The following ZCCHC14 variants were observed in gnomAD, a reference collection of about 807,000 sequenced individuals.
ZCCHC14 encodes zinc finger CCHC-type containing 14.
ZCCHC14 carries 16 observed loss-of-function variants against 85.0 expected under a neutral mutation model. The ratio of observed to expected loss-of-function variants is 0.19; its 90% CI spans 0.13 to 0.29. The LOEUF (loss-of-function observed/expected upper bound fraction) is 0.29, where lower values mean the gene tolerates loss of function less well. Ranked by LOEUF, ZCCHC14 falls within the 10% of genes least tolerant of loss-of-function variation. The pLI is 1.00. For synonymous variants in ZCCHC14, 775 were observed against 630.7 expected, an observed-to-expected ratio of 1.23 and a Z score of -3.43; for missense variants, 1,303 against 1,443.5, an observed-to-expected ratio of 0.90 and a Z score of 1.58.
At position 87,407,112 on chromosome 16, in the gene ZCCHC14, T is replaced by C. The variant is rs1042854307; in HGVS notation, c.*3168A>G. The C allele has an allele frequency of 1.3e-5, 2 of 152,298 alleles. No homozygotes were observed. Among genetic ancestry groups the C allele is most frequent in the Admixed American group, 1.3e-4 (2 of 15,282 alleles). The allele number at this position is 152,298 out of a possible 1,614,324, so 9.4% of individuals were successfully genotyped here. A position where few individuals can be genotyped will look rare whatever the true frequency, so the allele number is the denominator to read the frequency against. On this transcript the variant is annotated 3_prime_UTR_variant, in exon 13 of 13. Coordinates refer to ENST00000671377, the MANE Select transcript of ZCCHC14 (RefSeq NM_015144.3). ...TGCCTAAAGCCCCGCTCAGCCTCTG[T>C]TCCAGCTGGGTGATGTTTAGGCAAA...
Position 87,449,521 on chromosome 16 carries a change from C to G in ZCCHC14, c.694+10487G>C, listed in dbSNP as rs985964836. On this transcript the variant is annotated intron_variant, in intron 2 of 12. Transcript: ENST00000671377. ...ACCCCGACCAATTCAGCAACGCCAC[C>G]AAGAGAGCAAACCCCAATCCCTTTC... Among the ~76,000 whole-genome samples the G allele has an allele frequency of 2.6e-5, 4 of 152,200 alleles. No individual in the cohort carries two copies. In the South Asian group the frequency reaches 8.3e-4, roughly 32 times the overall value.
chr16:87,490,780 C>T (rs1912718881), intron 1 of ZCCHC14, among the ~76,000 whole-genome samples: 1 of 152,238 alleles, frequency 6.6e-6, no homozygotes, highest in Non-Finnish European at 1.5e-5. Context: ...TCACACACAA[C>T]GTTCACAAGC....
chr16:87,424,846 C>T (rs1405299077), intron 3 of ZCCHC14, among the ~76,000 whole-genome samples: 1 of 152,252 alleles, frequency 6.6e-6, no homozygotes, highest in South Asian at 2.1e-4. Flanking sequence ...AAGGGACAAG[C>T]ACCAAATGCA....
intron 1 of ZCCHC14, among the ~76,000 whole-genome samples, chr16:87,487,562 C>T (rs8059323): frequency 6.6e-6 from 1 of 152,248 alleles, no homozygotes; most frequent in East Asian, 1.9e-4. Context: ...CACACGGCAC[C>T]TAGCAATCCA....
chr16:87,411,929 C>A lies in ZCCHC14; in HGVS notation c.2792G>T (p.Ser931Ile), dbSNP rs1404493203. ...GCIVCTSCGC[S>I]GSCGSSGLTV... ...CAGGCCACTCGAGCCGCAGCTGCCG[C>A]TGCAGCCACAGGACGTGCACACAAT... The change falls in exon 12 of 13, where the codon AGC (serine) becomes ATC (isoleucine). Residue 931 changes from serine to isoleucine, a missense_variant. Physicochemically the swap from Ser to Ile is moderately radical, Grantham distance 142. This residue lies in a region of ZCCHC14 where 797 missense variants were observed against 730.8 expected (regional missense o/e 1.09). Transcript: ENST00000671377. The A allele has an allele frequency of 2.5e-6, 4 of 1,605,734 alleles. No homozygotes were observed. In the African/African-American group the frequency reaches 5.3e-5, roughly 21 times the overall value.
At chr16:87,478,927 C>G (rs1243868816) in intron 1 of ZCCHC14, among the ~76,000 whole-genome samples, 1 of 152,078 alleles carries the variant, frequency 6.6e-6, no homozygotes, top group African/African-American at 2.4e-5. Context: ...TTTACTATAA[C>G]TAGGTTGTTA....
intron 2 of ZCCHC14, among the ~76,000 whole-genome samples, chr16:87,453,545 G>A (rs1017104407): frequency 4.6e-5 from 7 of 152,186 alleles, no homozygotes; most frequent in Admixed American, 6.5e-5. Context: ...GGCTCTGCAC[G>A]TGCCCGCCAC....
In ZCCHC14 at chr16:87,414,398, ACAC is replaced by A. The variant is rs1908668119; in HGVS notation, c.1603+13_1603+15del. The A allele has an allele frequency of 6.2e-7, 1 of 1,612,208 alleles. No individual in the cohort carries two copies. The highest frequency in any genetic ancestry group is 1.3e-5 in the African/African-American group (1 of 74,712). On this transcript the variant is annotated intron_variant, in intron 10 of 12. Coordinates refer to ENST00000671377, the MANE Select transcript of ZCCHC14 (RefSeq NM_015144.3). ...TGTGTATGAGTAACCCATCTGCCCG[ACAC>A]ACCCTTGTTCACCTGCTGCATGGCT... is the stretch of plus-strand genomic sequence containing the variant.
Position 87,461,055 on chromosome 16 carries a change from C to T in ZCCHC14, c.571-924G>A, listed in dbSNP as rs146652683. ...GGGAAAGCGGGGCACACCCTCAGTC[C>T]CCATCGACAGAGACCTGCTAAGCAC... On this transcript the variant is annotated intron_variant, in intron 1 of 12. Transcript: ENST00000671377. Among the ~76,000 whole-genome samples the T allele has an allele frequency of 1.1e-4, 16 of 152,342 alleles. No homozygotes were observed. The East Asian group carries it at 1.9e-3, about 18-fold the overall frequency.
At chr16:87,466,654 C>T (rs1911533965) in intron 1 of ZCCHC14, among the ~76,000 whole-genome samples, 1 of 152,216 alleles carries the variant, frequency 6.6e-6, no homozygotes, top group African/African-American at 2.4e-5. Context: ...TTCACAGGAG[C>T]GCTGAGCATG....
intron 1 of ZCCHC14, among the ~76,000 whole-genome samples, chr16:87,480,852 G>A (rs1912235487): frequency 6.6e-6 from 1 of 152,308 alleles, no homozygotes; most frequent in East Asian, 1.9e-4. Context: ...CAGGTAACCG[G>A]TGTCCAGTCT....
chr16:87,447,180 A>T (rs1356172921), intron 2 of ZCCHC14, among the ~76,000 whole-genome samples: 1 of 152,084 alleles, frequency 6.6e-6, no homozygotes, highest in African/African-American at 2.4e-5. Flanking sequence ...ATTCTTAAAG[A>T]TGGCGGAAGA....
At chr16:87,476,275 A>G (rs139641174) in intron 1 of ZCCHC14, among the ~76,000 whole-genome samples, 141 of 152,354 alleles carry the variant, frequency 9.3e-4, no homozygotes, top group Non-Finnish European at 1.5e-3. Context: ...TAAGGAATGA[A>G]AAGCACCAAA....
chr16:87,450,962 G>A (rs564202657), intron 2 of ZCCHC14, among the ~76,000 whole-genome samples: 3 of 152,008 alleles, frequency 2.0e-5, no homozygotes, highest in African/African-American at 2.4e-5. Context: ...GTAATGGCAC[G>A]ATCTTGCCTC....
rs377055387 is a variant in ZCCHC14, at chr16:87,407,204, T to C, written c.*3076A>G. Reference sequence around the variant, plus strand: ...GTGGTATAAACTAACTGTGCTGACTTTGGGCAATAAAGGACCTAGAATTCT... The same window carrying C: ...GTGGTATAAACTAACTGTGCTGACTCTGGGCAATAAAGGACCTAGAATTCT... On this transcript the variant is annotated 3_prime_UTR_variant, in exon 13 of 13. Coordinates refer to ENST00000671377, the MANE Select transcript of ZCCHC14 (RefSeq NM_015144.3). The C allele has an allele frequency of 2.6e-5, 4 of 152,188 alleles. No homozygotes were observed. Among genetic ancestry groups the C allele is most frequent in the Admixed American group, 1.3e-4 (2 of 15,282 alleles). 9.4% of individuals were successfully genotyped at this position (152,188 alleles called of 1,614,324 possible).
chr16:87,411,509 C>T lies in ZCCHC14; in HGVS notation c.3205+7G>A, dbSNP rs748785014. The T allele has an allele frequency of 8.7e-6, 14 of 1,613,104 alleles. No individual in the cohort carries two copies. Among genetic ancestry groups the T allele is most frequent in the East Asian group, 2.2e-5 (1 of 44,900 alleles). ...GCCTGGTGGGCGCGGCCATGGCGCG[C>T]GCTTACCTGGCCGGTTGAAGTCCAT... On this transcript the variant is annotated splice_region_variant and intron_variant, in intron 12 of 12. Coordinates refer to ENST00000671377, the MANE Select transcript of ZCCHC14 (RefSeq NM_015144.3).
At chr16:87,414,689 TCC>T in intron 9 of ZCCHC14, 148 bp from the exon 10 acceptor site, 1 of 1,163,278 alleles carries the variant, frequency 8.6e-7, no homozygotes, top group Non-Finnish European at 1.2e-6. Context: ...ACAGGGAAAT[TCC>T]CCCCAGAGCA....
At position 87,408,714 on chromosome 16, in the gene ZCCHC14, A is replaced by T. The variant is rs1313159360; in HGVS notation, c.*1566T>A. On this transcript the variant is annotated 3_prime_UTR_variant, in exon 13 of 13. Transcript: ENST00000671377. ...GTAACAACTTTCTGCTTTAGTTTCT[A>T]TGAAGTTAGGAACTGCTCTTCAAAT... is the stretch of plus-strand genomic sequence containing the variant. The T allele has an allele frequency of 6.6e-6, 1 of 152,450 alleles. No individual in the cohort carries two copies. Among genetic ancestry groups the T allele is most frequent in the African/African-American group, 2.4e-5 (1 of 41,470 alleles). The allele number at this position is 152,450 out of a possible 1,614,324, so 9.4% of individuals were successfully genotyped here.
intron 1 of ZCCHC14, among the ~76,000 whole-genome samples, chr16:87,476,308 C>T (rs890353328): frequency 6.6e-5 from 10 of 152,038 alleles, no homozygotes; most frequent in Admixed American, 3.3e-4. Context: ...CCTGGTTCCA[C>T]TTAGGGGTTG....
Sources: gnomAD v4.1 joint callset for allele counts (sites outside exome capture counted in the v4.1 genomes callset) on GRCh38, gnomAD v4.1.1 for gene constraint, gnomAD v4.1.1 regional missense constraint, MANE v1.5 for transcripts, NCBI Gene and HGNC (gene_info 2026-07-23, HGNC 2026-07-21) for gene names.